Variants in RAB39A observed in about 807,000 individuals in gnomAD.
RAB39A encodes RAB39A, member RAS oncogene family.
Under a neutral mutation model 20.9 loss-of-function variants are expected in RAB39A, and 17 were observed. The ratio of observed to expected loss-of-function variants is 0.81; its 90% CI spans 0.56 to 1.22. RAB39A has a LOEUF of 1.22. RAB39A is among the 50% of genes most tolerant of loss of function. The pLI, the probability that RAB39A is intolerant of heterozygous loss-of-function variation, is 0.00. For synonymous variants in RAB39A, 99 were observed against 103.4 expected (o/e 0.96, Z 0.26); for missense variants, 234 against 270.5 (o/e 0.87, Z 0.95).
intron 1 of RAB39A, among the ~76,000 whole-genome samples, chr11:107,938,264 G>A (rs544730754): frequency 6.7e-6 from 1 of 149,380 alleles, no homozygotes; most frequent in South Asian, 2.1e-4. Flanking sequence ...AGAGGCGGAG[G>A]CAGGAGAATT....
chr11:107,928,804 C>G lies in RAB39A; in HGVS notation c.227+9C>G. ...GGACAGGAGCGGTTCAGGTAGGGAC[C>G]CCGGGGACCTTGGGCACCGCGCCGC... On this transcript the variant is annotated intron_variant, in intron 1 of 1. Transcript: ENST00000320578. This position sits in a 1 kb window ranked among gnomAD's most constrained non-coding sequence, Gnocchi z 4.9. The G allele has an allele frequency of 4.0e-6, 6 of 1,517,986 alleles. No homozygotes were observed. Among genetic ancestry groups the G allele is most frequent in the Non-Finnish European group, 4.5e-6 (5 of 1,121,570 alleles). The allele number at this position is 1,517,986 out of a possible 1,614,324, so 94.0% of individuals were successfully genotyped here. A position where few individuals can be genotyped will look rare whatever the true frequency, so the allele number is the denominator to read the frequency against.
At chr11:107,933,377 C>CTT (rs71047649) in intron 1 of RAB39A, among the ~76,000 whole-genome samples, 5,241 of 73,062 alleles carry the variant, frequency 0.072, 1,397 homozygotes, top group African/African-American at 0.14. Flanking sequence ...TTTATTCTTT[C>CTT]TTTTTTTTTT....
At chr11:107,946,416 GTGTGTGTGTGTGTGTGTGTGTATA>G (rs1378025424) in intron 1 of RAB39A, among the ~76,000 whole-genome samples, 3 of 13,830 alleles carry the variant, frequency 2.2e-4, no homozygotes, top group Middle Eastern at 0.028. Flanking sequence ...GTGTGTGTGT[GTGTGTGTGTGTGTGTGTGTGTATA>G]TATATATATA....
chr11:107,953,114 TAAC>T (rs1861397946), intron 1 of RAB39A, among the ~76,000 whole-genome samples: 1 of 152,188 alleles, frequency 6.6e-6, no homozygotes, highest in Non-Finnish European at 1.5e-5. Flanking sequence ...CACTTAAAAT[TAAC>T]AGTGCTGTAC....
intron 1 of RAB39A, among the ~76,000 whole-genome samples, chr11:107,940,558 A>G (rs1411446537): frequency 6.6e-6 from 1 of 152,088 alleles, no homozygotes; most frequent in Non-Finnish European, 1.5e-5. Flanking sequence ...GCCTGTTTTA[A>G]TTATCTCAAG....
In RAB39A at chr11:107,928,454, A is replaced by G. The variant is rs947879265; in HGVS notation, c.-115A>G. 3.5e-5 allele frequency: 23 copies of G among 659,654 alleles called. No individual in the cohort carries two copies. Among genetic ancestry groups the G allele is most frequent in the Non-Finnish European group, 4.7e-5 (22 of 469,474 alleles). 40.9% of individuals were successfully genotyped at this position (659,654 alleles called of 1,614,324 possible). ...GGCACCAGGCGGCGGCCGCAGCCGC[A>G]GGAATATGCTGGAAGGCGGCGGGCG... On this transcript the variant is annotated 5_prime_UTR_variant, in exon 1 of 2. Coordinates refer to ENST00000320578, the MANE Select transcript of RAB39A (RefSeq NM_017516.3). This position sits in a 1 kb window ranked among gnomAD's most constrained non-coding sequence, Gnocchi z 4.9.
chr11:107,934,961 C>G (rs1350607592), intron 1 of RAB39A, among the ~76,000 whole-genome samples: 3 of 151,472 alleles, frequency 2.0e-5, no homozygotes, highest in Admixed American at 1.3e-4. Context: ...ATAGAGACAG[C>G]CTCCCTCCTC....
chr11:107,946,524 G>A (rs1337349151), intron 1 of RAB39A, among the ~76,000 whole-genome samples: 13 of 127,632 alleles, frequency 1.0e-4, no homozygotes, highest in Non-Finnish European at 2.1e-4. Flanking sequence ...CCAGGCTGGA[G>A]TGCAGTGGCG....
At chr11:107,938,173 G>A (rs1184313445) in intron 1 of RAB39A, among the ~76,000 whole-genome samples, 1 of 151,814 alleles carries the variant, frequency 6.6e-6, no homozygotes, top group Non-Finnish European at 1.5e-5. Flanking sequence ...GGCCAGCCTG[G>A]CCAACATGGT....
chr11:107,937,436 G>A (rs1343017250), intron 1 of RAB39A, among the ~76,000 whole-genome samples: 1 of 152,018 alleles, frequency 6.6e-6, no homozygotes, highest in Non-Finnish European at 1.5e-5. Flanking sequence ...CACTGCACCA[G>A]GCCCAAATTA....
chr11:107,945,771 T>A (rs935009639), intron 1 of RAB39A, among the ~76,000 whole-genome samples: 3 of 152,084 alleles, frequency 2.0e-5, no homozygotes, highest in African/African-American at 7.2e-5. Flanking sequence ...GCCAACCACA[T>A]TGGCAAAAAA....
At chr11:107,950,358 C>G (rs1397836223) in intron 1 of RAB39A, among the ~76,000 whole-genome samples, 2 of 152,046 alleles carry the variant, frequency 1.3e-5, no homozygotes, top group Non-Finnish European at 2.9e-5. Flanking sequence ...TGAATGCTGC[C>G]TGGGCACAAG....
intron 1 of RAB39A, among the ~76,000 whole-genome samples, chr11:107,956,705 G>A (rs772927935): frequency 2.2e-4 from 34 of 152,314 alleles, no homozygotes; most frequent in African/African-American, 6.7e-4. Context: ...ACTTGGGATT[G>A]GTTATAATTA....
intron 1 of RAB39A, among the ~76,000 whole-genome samples, chr11:107,951,985 AT>A (rs776771021): frequency 9.2e-5 from 14 of 152,182 alleles, no homozygotes; most frequent in Non-Finnish European, 1.6e-4. Flanking sequence ...ACTTGATTGC[AT>A]TAATCATATA....
At chr11:107,947,258 C>A (rs148430949) in intron 1 of RAB39A, among the ~76,000 whole-genome samples, 1 of 151,952 alleles carries the variant, frequency 6.6e-6, no homozygotes, top group Non-Finnish European at 1.5e-5. Flanking sequence ...TCCGCCACCA[C>A]GCCCGGCTAA....
intron 1 of RAB39A, among the ~76,000 whole-genome samples, chr11:107,954,572 C>T (rs1861414612): frequency 6.6e-6 from 1 of 152,180 alleles, no homozygotes; most frequent in Non-Finnish European, 1.5e-5. Flanking sequence ...AGAGATTCCA[C>T]AAATGGAACT....
At chr11:107,935,900 C>CTTTTTT (rs561399074) in intron 1 of RAB39A, among the ~76,000 whole-genome samples, 1 of 81,610 alleles carries the variant, frequency 1.2e-5, no homozygotes, top group African/African-American at 4.7e-5. Flanking sequence ...GTCCTGGCCA[C>CTTTTTT]TTTTTTTTTT....
intron 1 of RAB39A, among the ~76,000 whole-genome samples, chr11:107,951,968 C>T (rs1281685121): frequency 6.6e-6 from 1 of 152,154 alleles, no homozygotes; most frequent in South Asian, 2.1e-4. Flanking sequence ...CCCAATAGAT[C>T]ATTCACACTT....
At chr11:107,958,220 G>A (rs1277339723) in intron 1 of RAB39A, among the ~76,000 whole-genome samples, 1 of 152,054 alleles carries the variant, frequency 6.6e-6, no homozygotes, top group Non-Finnish European at 1.5e-5. Flanking sequence ...AAGCCTAGAG[G>A]GAAATAGACA....
Sources: gnomAD v4.1 joint callset for allele counts (sites outside exome capture counted in the v4.1 genomes callset) on GRCh38, gnomAD v4.1.1 for gene constraint, Gnocchi (gnomAD v3.1) non-coding constraint, MANE v1.5 for transcripts, NCBI Gene and HGNC (gene_info 2026-07-23, HGNC 2026-07-21) for gene names.